TJP2: variants seen among roughly 807,000 people sequenced by gnomAD.
The protein encoded by TJP2 is tight junction protein 2.
Under a neutral mutation model 133.1 loss-of-function variants are expected in TJP2, and 91 were observed. The ratio of observed to expected loss-of-function variants is 0.68; its 90% CI spans 0.58 to 0.81. TJP2 has a LOEUF of 0.81. Among genes scored for constraint, TJP2 ranks in the 40% least tolerant of loss-of-function variants. The pLI is 0.00. For missense variants in TJP2, 1,541 were observed against 1,565.6 expected (o/e 0.98, Z 0.26); for synonymous variants, 592 against 583.4 (o/e 1.01, Z -0.21).
chr9:69,202,805 T>C (rs117659466), intron 1 of TJP2, among the ~76,000 whole-genome samples: 3 of 151,992 alleles, frequency 2.0e-5, no homozygotes, highest in African/African-American at 7.3e-5. Context: ...GCACACTCTG[T>C]ATAACTTTTA....
chr9:69,213,867 T>A (rs1197438505), intron 2 of TJP2, among the ~76,000 whole-genome samples: 2 of 152,180 alleles, frequency 1.3e-5, no homozygotes, highest in Non-Finnish European at 2.9e-5. Flanking sequence ...CTGGTGGTGC[T>A]GCCAAATTCA....
chr9:69,181,909 A>C (rs888125345), intron 1 of TJP2, among the ~76,000 whole-genome samples: 1 of 152,082 alleles, frequency 6.6e-6, no homozygotes, highest in Non-Finnish European at 1.5e-5. Flanking sequence ...TCTCTTCCTT[A>C]CTTTGCAGCT....
chr9:69,122,191 C>T (rs1679626812), intron 1 of TJP2: 1 of 152,264 alleles, frequency 6.6e-6, no homozygotes, highest in Non-Finnish European at 1.5e-5. Context: ...CTGAGCTTCT[C>T]TTTTACCCGA....
At chr9:69,248,953 TTA>T in intron 19 of TJP2, 1 of 985,780 alleles carries the variant, frequency 1.0e-6, no homozygotes, top group Non-Finnish European at 1.2e-6. Flanking sequence ...ATTTTTTTCT[TTA>T]TGAAATAGAA....
chr9:69,221,863 C>CTTTTT (rs11308693), intron 5 of TJP2, among the ~76,000 whole-genome samples: 2 of 112,246 alleles, frequency 1.8e-5, no homozygotes, highest in Non-Finnish European at 3.5e-5. Flanking sequence ...GGAATAGCTA[C>CTTTTT]TTTTTTTTTT....
intron 1 of TJP2, among the ~76,000 whole-genome samples, chr9:69,195,671 G>A (rs1223128174): frequency 6.6e-6 from 1 of 152,214 alleles, no homozygotes. Flanking sequence ...CAGTGATGAT[G>A]TGTTTCAGGC....
chr9:69,144,870 G>A (rs1261484816), intron 1 of TJP2, among the ~76,000 whole-genome samples: 1 of 152,174 alleles, frequency 6.6e-6, no homozygotes, highest in Non-Finnish European at 1.5e-5. Context: ...GGGAAGACTG[G>A]TTGACCCAGT....
At chr9:69,216,506 G>T (rs755780391) in intron 3 of TJP2, 43 bp downstream of exon 3, 1 of 1,612,888 alleles carries the variant, frequency 6.2e-7, no homozygotes, top group Non-Finnish European at 8.5e-7. Context: ...CAGCCCTACT[G>T]GTTGGCCCTA....
At chr9:69,167,357 T>G (rs1587950101) in intron 2 of TJP2, among the ~76,000 whole-genome samples, 1 of 152,260 alleles carries the variant, frequency 6.6e-6, no homozygotes, top group Admixed American at 6.5e-5. Flanking sequence ...ATGTCTGGAA[T>G]GTTCACCTAA....
chr9:69,133,390 T>A (rs1177215258), intron 1 of TJP2, among the ~76,000 whole-genome samples: 1 of 152,130 alleles, frequency 6.6e-6, no homozygotes, highest in Non-Finnish European at 1.5e-5. Flanking sequence ...AGGTGTGTAT[T>A]CTCCGGAAAG....
intron 6 of TJP2, 56 bp from the exon 7 acceptor site, chr9:69,225,965 AT>A (rs1829313491): frequency 6.3e-7 from 1 of 1,590,702 alleles, no homozygotes; most frequent in African/African-American, 1.3e-5. Flanking sequence ...GAAAATATGA[AT>A]TTTCTACTGT....
chr9:69,248,161 G>A lies in TJP2; in HGVS notation c.2817G>A (p.Glu939=). 6.2e-7 allele frequency: 1 copy of A among 1,612,998 alleles called. No homozygotes were observed. ...CCTACACTGACAATGAGCTGGATGA[G>A]CCAGCCGAGGAGCCGCTGGTGTCGT... ...GGAYTDNELD[E]PAEEPLVSSI... The change falls in exon 19 of 23, where the codon GAG becomes GAA. Residue 939 remains glutamate, a synonymous_variant. Transcript: ENST00000377245.
At chr9:69,232,121 T>G (rs901629469) in intron 11 of TJP2, among the ~76,000 whole-genome samples, 2 of 152,170 alleles carry the variant, frequency 1.3e-5, no homozygotes, top group African/African-American at 4.8e-5. Flanking sequence ...GCATTTATAC[T>G]TAAGGTGTTT....
intron 4 of TJP2, among the ~76,000 whole-genome samples, chr9:69,220,262 G>A (rs1828716191): frequency 6.6e-6 from 1 of 152,186 alleles, no homozygotes; most frequent in South Asian, 2.1e-4. Context: ...AATATGATTT[G>A]TAAAATTCAG....
chr9:69,171,622 C>G (rs1824685339), upstream of TJP2, among the ~76,000 whole-genome samples: 1 of 152,106 alleles, frequency 6.6e-6, no homozygotes, highest in Admixed American at 6.5e-5. Flanking sequence ...TTCCCTAAGT[C>G]TCTCCTGCTA....
At chr9:69,174,971 G>A (rs1340991613) in intron 1 of TJP2, among the ~76,000 whole-genome samples, 3 of 150,496 alleles carry the variant, frequency 2.0e-5, no homozygotes, top group African/African-American at 7.3e-5. Context: ...ACCCACAAAA[G>A]AGGAGTGTGA....
intron 1 of TJP2, among the ~76,000 whole-genome samples, chr9:69,197,673 A>T (rs1826684093): frequency 6.6e-6 from 1 of 152,188 alleles, no homozygotes; most frequent in Admixed American, 6.5e-5. Context: ...TGCTCTCCAG[A>T]AGCATTACTT....
chr9:69,153,100 G>C (rs1823567812), intron 2 of TJP2, among the ~76,000 whole-genome samples: 1 of 151,934 alleles, frequency 6.6e-6, no homozygotes, highest in Non-Finnish European at 1.5e-5. Flanking sequence ...GGGCATGGTG[G>C]TGTGCTCCTG....
chr9:69,230,195 A>C lies in TJP2; in HGVS notation c.1634A>C (p.Glu545Ala), dbSNP rs768431866. Residue 545 changes from glutamate to alanine, a missense_variant, in exon 11 of 23, where the codon GAG becomes GCG. By Grantham distance (107) the Glu-to-Ala change is moderately radical (BLOSUM62 -1). Transcript: ENST00000377245. ...GGCATTCAAGAAGGGACCTCGGCGG[A>C]GCAGGAGGGCCTTCAAGAAGGAGAC... is the stretch of plus-strand genomic sequence containing the variant. ...VAGIQEGTSA[E>A]QEGLQEGDQI... is the part of the protein sequence containing the mutation. 8 of 1,614,044 alleles carry C rather than the reference A, an allele frequency of 5.0e-6. No homozygotes were observed. The African/African-American group carries it at 1.1e-4, about 22-fold the overall frequency.
Sources: allele counts gnomAD v4.1 joint callset (sites outside exome capture counted in the v4.1 genomes callset), GRCh38; gene constraint gnomAD v4.1.1; transcripts MANE v1.5; gene names NCBI Gene and HGNC (gene_info 2026-07-23, HGNC 2026-07-21).